The following MED27 variants were observed in gnomAD, a reference collection of about 807,000 sequenced individuals.
The protein encoded by MED27 is mediator complex subunit 27, also known as mediator of RNA polymerase II transcription subunit 27.
A neutral mutation model predicts 38.2 loss-of-function variants in MED27; 30 were observed. That is an observed-to-expected ratio of 0.79 (90% CI 0.59 to 1.07). The LOEUF is 1.07. Ranked by LOEUF, MED27 falls within the 50% of genes least tolerant of loss-of-function variation. The probability of loss-of-function intolerance (pLI) is 0.00; values close to 1 mark genes in which losing one functional copy is unlikely to be tolerated. For synonymous variants in MED27, 122 were observed against 153.5 expected (o/e 0.79, Z 1.52); for missense variants, 289 against 397.5 (o/e 0.73, Z 2.32).
At position 132,010,896 on chromosome 9, in the gene MED27, G is replaced by C. The variant is rs187958712; in HGVS notation, c.479+3441C>G. ...GGGTCCTGTTGTGGGGTGGGCGAAG[G>C]GGGGAGGGATAGCATTAGGAGATAT... On this transcript the variant is annotated intron_variant, in intron 3 of 7. Transcript: ENST00000292035. Among the ~76,000 whole-genome samples, 756 of 152,256 alleles carry C rather than the reference G, an allele frequency of 5.0e-3. 5 individuals carry two copies. The highest frequency in any genetic ancestry group is 8.1e-3 in the Non-Finnish European group (553 of 68,022).
At chr9:131,875,265 AG>A (rs1259890365) in intron 6 of MED27, among the ~76,000 whole-genome samples, 5 of 152,146 alleles carry the variant, frequency 3.3e-5, no homozygotes, top group African/African-American at 1.2e-4. Context: ...GGTGTCTTAC[AG>A]GATCTTCAGC....
intron 2 of MED27, among the ~76,000 whole-genome samples, chr9:132,025,822 ATAT>A (rs1158684010): frequency 6.6e-6 from 1 of 152,240 alleles, no homozygotes; most frequent in Non-Finnish European, 1.5e-5. Context: ...CATTCAATAA[ATAT>A]TATTATGATT....
intron 3 of MED27, among the ~76,000 whole-genome samples, chr9:131,988,794 T>TA (rs901203040): frequency 6.6e-6 from 1 of 152,214 alleles, no homozygotes; most frequent in African/African-American, 2.4e-5. Flanking sequence ...CTGTTTTTGT[T>TA]ATCAGAAAAG....
chr9:131,990,651 G>A (rs1173590329), intron 3 of MED27, among the ~76,000 whole-genome samples: 1 of 152,188 alleles, frequency 6.6e-6, no homozygotes, highest in South Asian at 2.1e-4. Flanking sequence ...TGTCACCCCA[G>A]GAGGATGTGG....
intron 2 of MED27, among the ~76,000 whole-genome samples, chr9:132,066,914 C>A (rs1833822439): frequency 1.3e-5 from 2 of 152,174 alleles, no homozygotes; most frequent in Non-Finnish European, 2.9e-5. Context: ...GAGAAGAAGC[C>A]TCCTGGCACT....
chr9:131,893,627 A>C (rs1293886635), intron 5 of MED27, among the ~76,000 whole-genome samples: 1 of 152,210 alleles, frequency 6.6e-6, no homozygotes, highest in Non-Finnish European at 1.5e-5. Flanking sequence ...TAATGAGGCA[A>C]CTGGGGTCTA....
At chr9:132,077,637 G>T (rs989251032) in intron 1 of MED27, 51 bp from the exon 2 acceptor site, 1 of 1,595,412 alleles carries the variant, frequency 6.3e-7, no homozygotes, top group Admixed American at 1.7e-5. Flanking sequence ...TTACACTCCA[G>T]GGTAAAGCCA....
intron 5 of MED27, among the ~76,000 whole-genome samples, chr9:131,888,090 C>T (rs1839170563): frequency 6.6e-6 from 1 of 152,108 alleles, no homozygotes; most frequent in Admixed American, 6.5e-5. Flanking sequence ...TCAGAGCGAC[C>T]CAGTATCAGC....
intron 4 of MED27, among the ~76,000 whole-genome samples, chr9:131,902,181 G>A (rs1321752525): frequency 3.9e-5 from 6 of 151,974 alleles, no homozygotes; most frequent in Non-Finnish European, 8.8e-5. Context: ...TCTCTAAGAC[G>A]CTAATAAACT....
At chr9:131,946,883 T>C (rs1308194654) in intron 3 of MED27, among the ~76,000 whole-genome samples, 1 of 152,238 alleles carries the variant, frequency 6.6e-6, no homozygotes, top group African/African-American at 2.4e-5. Context: ...CACACTTCCC[T>C]TGGCACCCCA....
chr9:131,944,608 A>C (rs1589226070), intron 3 of MED27, among the ~76,000 whole-genome samples: 1 of 150,334 alleles, frequency 6.7e-6, no homozygotes. Context: ...GCTCACTGCA[A>C]CCTCCACCTC....
At chr9:132,045,738 C>A (rs1239333625) in intron 2 of MED27, among the ~76,000 whole-genome samples, 1 of 152,228 alleles carries the variant, frequency 6.6e-6, no homozygotes, top group African/African-American at 2.4e-5. Context: ...AAACAGGATT[C>A]TTTGCTGCCC....
At chr9:131,893,341 A>G (rs1359600120) in intron 5 of MED27, among the ~76,000 whole-genome samples, 1 of 152,178 alleles carries the variant, frequency 6.6e-6, no homozygotes, top group Non-Finnish European at 1.5e-5. Flanking sequence ...GTGCAGTCAA[A>G]AGGAATTAGG....
chr9:131,904,204 A>AT (rs968923189), intron 4 of MED27, among the ~76,000 whole-genome samples: 1 of 151,062 alleles, frequency 6.6e-6, no homozygotes, highest in African/African-American at 2.4e-5. Flanking sequence ...CAGCCCAGCT[A>AT]TTTTTTGTAT....
intron 6 of MED27, among the ~76,000 whole-genome samples, chr9:131,877,786 T>A (rs963816752): frequency 7.2e-5 from 11 of 152,194 alleles, no homozygotes; most frequent in Admixed American, 7.2e-4. Flanking sequence ...TTTTGAATAC[T>A]ATTGGGGTTG....
intron 2 of MED27, among the ~76,000 whole-genome samples, chr9:132,048,945 T>A (rs1316389814): frequency 6.6e-6 from 1 of 152,224 alleles, no homozygotes; most frequent in Non-Finnish European, 1.5e-5. Flanking sequence ...AGATGTCCTG[T>A]TAAAAGCAAA....
At chr9:131,876,688 G>A (rs1303544879) in intron 6 of MED27, among the ~76,000 whole-genome samples, 1 of 152,090 alleles carries the variant, frequency 6.6e-6, no homozygotes, top group African/African-American at 2.4e-5. Flanking sequence ...TCAGCTGAGG[G>A]AAGGGCTGCC....
chr9:131,961,170 T>C (rs982779918), intron 3 of MED27, among the ~76,000 whole-genome samples: 1 of 152,166 alleles, frequency 6.6e-6, no homozygotes, highest in Non-Finnish European at 1.5e-5. Flanking sequence ...CCAAAGTAAG[T>C]GAGGGTTTTG....
intron 2 of MED27, among the ~76,000 whole-genome samples, chr9:132,020,984 C>T (rs1007772557): frequency 2.6e-5 from 4 of 152,288 alleles, no homozygotes; most frequent in East Asian, 1.9e-4. Context: ...CCTGGAAGCT[C>T]GGTTTCACAG....
Sources: gnomAD v4.1 joint callset for allele counts (sites outside exome capture counted in the v4.1 genomes callset) on GRCh38, gnomAD v4.1.1 for gene constraint, MANE v1.5 for transcripts, NCBI Gene and HGNC (gene_info 2026-07-23, HGNC 2026-07-21) for gene names.